Variants in TFG observed in about 807,000 individuals in gnomAD.
The protein encoded by TFG is protein TFG.
Under a neutral mutation model 51.4 loss-of-function variants are expected in TFG, and 22 were observed. The observed-to-expected ratio is 0.43, with a 90% confidence interval of 0.31 to 0.61. TFG has a LOEUF of 0.61. Among genes scored for constraint, TFG ranks in the 20% least tolerant of loss-of-function variants. The pLI is 0.12. For missense variants in TFG, 419 were observed against 487.7 expected (o/e 0.86, Z 1.33); for synonymous variants, 187 against 165.6 (o/e 1.13, Z -0.99).
chr3:100,719,951 AC>A (rs772310607), intron 2 of TFG, 23 bp from the exon 3 acceptor site: 2 of 1,407,742 alleles, frequency 1.4e-6, no homozygotes, highest in Admixed American at 2.3e-5. Flanking sequence ...TTAAAAAACA[AC>A]CTTTTTTTTT....
rs1347717808 is a variant in TFG, at chr3:100,728,718, G to A, written c.275G>A (p.Gly92Asp). 3 of 1,579,472 alleles carry A rather than the reference G, an allele frequency of 1.9e-6. No individual in the cohort carries two copies. Among genetic ancestry groups the A allele is most frequent in the African/African-American group, 1.4e-5 (1 of 72,814 alleles). The part of the protein sequence containing the change: ...RILKLTLFVN[G>D]QPRPLESSQV... Reference sequence around the variant, plus strand: ...ATAAATGTTTTTATTTCAGTTAATGGCCAGCCAAGACCCCTTGAATCAAGT... The same window carrying A: ...ATAAATGTTTTTATTTCAGTTAATGACCAGCCAAGACCCCTTGAATCAAGT... The change falls in exon 4 of 8, where the codon GGC (glycine) becomes GAC (aspartate). Residue 92 changes from glycine to aspartate, a missense_variant. Gly to Asp is a moderately conservative substitution (Grantham distance 94). Coordinates refer to ENST00000240851, the MANE Select transcript of TFG (RefSeq NM_006070.6).
At chr3:100,745,101 G>C (rs551623673) in intron 7 of TFG, among the ~76,000 whole-genome samples, 170 bp downstream of exon 7, 5 of 152,078 alleles carry the variant, frequency 3.3e-5, no homozygotes, top group African/African-American at 1.2e-4. Context: ...CATTAATATT[G>C]TAAATCAACA....
In TFG at chr3:100,745,854, C is replaced by G. The variant is rs189760519; in HGVS notation, c.820+923C>G. ...TCTACTTTTATATTCTCTACTGCTA[C>G]TTGGGCACTAGAATGGCAGAGTTGA... On this transcript the variant is annotated intron_variant, in intron 7 of 7. Coordinates refer to ENST00000240851, the MANE Select transcript of TFG (RefSeq NM_006070.6). Among the ~76,000 whole-genome samples, 337 of 152,274 alleles carry G rather than the reference C, an allele frequency of 2.2e-3. 1 individual carries two copies. The highest frequency in any genetic ancestry group is 7.8e-3 in the African/African-American group (323 of 41,536).
chr3:100,718,718 C>T (rs1379136476), intron 2 of TFG, among the ~76,000 whole-genome samples: 2 of 151,886 alleles, frequency 1.3e-5, no homozygotes, highest in South Asian at 2.1e-4. Flanking sequence ...CCACCACACT[C>T]GGCTGATTTT....
At chr3:100,720,723 G>C (rs773054020) in intron 3 of TFG, among the ~76,000 whole-genome samples, 2 of 152,146 alleles carry the variant, frequency 1.3e-5, no homozygotes, top group Non-Finnish European at 2.9e-5. Context: ...TTCCCGAGGG[G>C]TACTTAAAGA....
intron 1 of TFG, among the ~76,000 whole-genome samples, chr3:100,713,285 G>C (rs1576352592): frequency 1.3e-5 from 2 of 152,160 alleles, no homozygotes; most frequent in East Asian, 3.9e-4. Flanking sequence ...GAGAGAGAGA[G>C]ATCAACCAAG....
chr3:100,735,544 CCA>C (rs2095104079), intron 5 of TFG, among the ~76,000 whole-genome samples: 2 of 152,110 alleles, frequency 1.3e-5, no homozygotes, highest in South Asian at 4.1e-4. Context: ...TGTAACATGT[CCA>C]GAGTTACACA....
At chr3:100,745,540 A>T (rs1442161441) in intron 7 of TFG, among the ~76,000 whole-genome samples, 1 of 152,214 alleles carries the variant, frequency 6.6e-6, no homozygotes, top group Non-Finnish European at 1.5e-5. Context: ...ACTGAAGATT[A>T]TATGTATTTA....
intron 7 of TFG, 77 bp downstream of exon 7, chr3:100,745,008 T>A: frequency 1.3e-6 from 1 of 771,544 alleles, no homozygotes; most frequent in Non-Finnish European, 2.1e-6. Context: ...CTTAATTCCT[T>A]GATTTGTAGT....
chr3:100,747,081 ATTATC>A (rs1370093345), intron 7 of TFG, among the ~76,000 whole-genome samples: 1 of 152,152 alleles, frequency 6.6e-6, no homozygotes, highest in Non-Finnish European at 1.5e-5. Flanking sequence ...TTTTCAAATT[ATTATC>A]TTTGTATTTC....
chr3:100,732,768 G>C (rs1005254608), intron 5 of TFG, 96 bp downstream of exon 5: 1 of 1,080,274 alleles, frequency 9.3e-7, no homozygotes, highest in Non-Finnish European at 1.3e-6. Flanking sequence ...ACTTGGATAT[G>C]GTGAAGTGCA....
At chr3:100,746,094 T>G (rs970785670) in intron 7 of TFG, among the ~76,000 whole-genome samples, 16 of 152,336 alleles carry the variant, frequency 1.1e-4, no homozygotes, top group African/African-American at 3.8e-4. Flanking sequence ...TACATAGAAC[T>G]TAAGTTTGGA....
chr3:100,731,345 T>G (rs1460399934), intron 4 of TFG, among the ~76,000 whole-genome samples: 4 of 152,238 alleles, frequency 2.6e-5, no homozygotes, highest in Non-Finnish European at 5.9e-5. Flanking sequence ...GAACTCTTTT[T>G]CTTTCACAAG....
chr3:100,738,982 A>G (rs1489877659), intron 6 of TFG, among the ~76,000 whole-genome samples: 1 of 152,216 alleles, frequency 6.6e-6, no homozygotes, highest in East Asian at 1.9e-4. Flanking sequence ...ACAACAAACA[A>G]CATATCACAT....
intron 2 of TFG, among the ~76,000 whole-genome samples, chr3:100,714,761 A>T (rs2095041027): frequency 6.6e-6 from 1 of 152,206 alleles, no homozygotes; most frequent in Non-Finnish European, 1.5e-5. Flanking sequence ...TTATTGTAGG[A>T]GTTTTCAGAT....
At chr3:100,748,076 CAGTA>C (rs1215575060) in intron 7 of TFG, 69 bp from the exon 8 acceptor site, 23 of 1,476,318 alleles carry the variant, frequency 1.6e-5, no homozygotes, top group East Asian at 1.4e-4. Flanking sequence ...GTCCACCTAA[CAGTA>C]AGACTAATTC....
upstream of TFG, chr3:100,709,453 A>C (rs1253543513): frequency 6.6e-6 from 1 of 152,154 alleles, no homozygotes; most frequent in Non-Finnish European, 1.5e-5. Context: ...CGCAATAAGG[A>C]GGGGCGAAAG....
intron 3 of TFG, among the ~76,000 whole-genome samples, chr3:100,724,962 G>T (rs1323356504): frequency 6.6e-6 from 1 of 152,200 alleles, no homozygotes; most frequent in Non-Finnish European, 1.5e-5. Context: ...GGAGGGCAGT[G>T]GTGCGATCTC....
chr3:100,748,081 A>G lies in TFG; in HGVS notation c.821-68A>G, dbSNP rs538550553. The G allele has an allele frequency of 2.0e-6, 3 of 1,506,680 alleles. No individual in the cohort carries two copies. In the African/African-American group the frequency reaches 4.2e-5, roughly 21 times the overall value. The allele number at this position is 1,506,680 out of a possible 1,614,324, so 93.3% of individuals were successfully genotyped here. A position where few individuals can be genotyped will look rare whatever the true frequency, so the allele number is the denominator to read the frequency against. On this transcript the variant is annotated intron_variant, in intron 7 of 7. Coordinates refer to ENST00000240851, the MANE Select transcript of TFG (RefSeq NM_006070.6). ...ACCATTTTTGGTCCACCTAACAGTA[A>G]GACTAATTCTTTGGAAAAGTAGTTT... is the stretch of plus-strand genomic sequence containing the variant.
Sources: gnomAD v4.1 joint callset for allele counts (sites outside exome capture counted in the v4.1 genomes callset) on GRCh38, gnomAD v4.1.1 for gene constraint, MANE v1.5 for transcripts, NCBI Gene and HGNC (gene_info 2026-07-23, HGNC 2026-07-21) for gene names.